The following MYOM1 variants were observed in gnomAD, a reference collection of about 807,000 sequenced individuals.
MYOM1 encodes myomesin-1.
Under a neutral mutation model 205.3 loss-of-function variants are expected in MYOM1, and 164 were observed. That is an observed-to-expected ratio of 0.80 (90% confidence interval 0.70 to 0.91). MYOM1 has a LOEUF of 0.91. Among genes scored for constraint, MYOM1 ranks in the 40% least tolerant of loss-of-function variants. MYOM1 has a pLI of 0.00. For synonymous variants in MYOM1, 772 were observed against 789.4 expected, an observed-to-expected ratio of 0.98 and a Z score of 0.37; for missense variants, 2,011 against 2,127.3, an observed-to-expected ratio of 0.95 and a Z score of 1.08.
chr18:3,146,800 C>A (rs1442940043), intron 13 of MYOM1, among the ~76,000 whole-genome samples: 5 of 151,658 alleles, frequency 3.3e-5, no homozygotes, highest in Non-Finnish European at 2.9e-5. Flanking sequence ...AAAAGGTATC[C>A]AGATTGAAAA....
At chr18:3,206,308 C>T (rs1567968200) in intron 2 of MYOM1, among the ~76,000 whole-genome samples, 1 of 152,064 alleles carries the variant, frequency 6.6e-6, no homozygotes, top group Admixed American at 6.6e-5. Flanking sequence ...TTTACAGCTC[C>T]GTACTGTTCA....
At chr18:3,222,135 C>CACCTT (rs2081335186), upstream of MYOM1, among the ~76,000 whole-genome samples, 4 of 152,198 alleles carry the variant, frequency 2.6e-5, no homozygotes, top group South Asian at 8.3e-4. Context: ...TCAGGATAAT[C>CACCTT]ACATATCTGT....
intron 2 of MYOM1, among the ~76,000 whole-genome samples, chr18:3,203,990 G>T (rs1598768904): frequency 6.6e-6 from 1 of 151,912 alleles, no homozygotes; most frequent in Non-Finnish European, 1.5e-5. Context: ...CATATTAATA[G>T]AATAAAAAGC....
intron 33 of MYOM1, among the ~76,000 whole-genome samples, chr18:3,083,349 T>A (rs1039569336): frequency 2.6e-5 from 4 of 151,966 alleles, no homozygotes; most frequent in African/African-American, 9.7e-5. Context: ...ACAGAAAAAT[T>A]TTTTCCCTAT....
chr18:3,235,453 A>G, the MYOM1 span, among the ~76,000 whole-genome samples: 1 of 152,204 alleles, frequency 6.6e-6, no homozygotes, highest in African/African-American at 2.4e-5. Flanking sequence ...CATACTTAAA[A>G]TGTATGCATG....
chr18:3,091,875 G>A (rs147607655), intron 26 of MYOM1, among the ~76,000 whole-genome samples: 3,357 of 152,034 alleles, frequency 0.022, 116 homozygotes, highest in African/African-American at 0.077. Context: ...GGGACTACAG[G>A]CGTGTGCCAC....
chr18:3,231,509 C>T, the MYOM1 span, among the ~76,000 whole-genome samples: 2 of 148,258 alleles, frequency 1.3e-5, no homozygotes, highest in Non-Finnish European at 3.0e-5. Context: ...GTAATCCAGT[C>T]ATGTGTATCC....
At chr18:3,144,426 A>G (rs1250931522) in intron 13 of MYOM1, among the ~76,000 whole-genome samples, 1 of 152,196 alleles carries the variant, frequency 6.6e-6, no homozygotes, top group Non-Finnish European at 1.5e-5. Flanking sequence ...TGAAACAAAT[A>G]AATGGAATAG....
chr18:3,126,603 G>C (rs759488247), intron 19 of MYOM1, 98 bp downstream of exon 19: 1 of 1,046,360 alleles, frequency 9.6e-7, no homozygotes, highest in East Asian at 2.6e-5. Context: ...GAGAAATGAC[G>C]TGACTCTCTT....
At chr18:3,233,853 A>G in the MYOM1 span, among the ~76,000 whole-genome samples, 62 of 152,248 alleles carry the variant, frequency 4.1e-4, no homozygotes, top group Non-Finnish European at 7.8e-4. Context: ...TCCGGGAAGA[A>G]TAACAACAAA....
At chr18:3,140,505 A>G (rs1444365433) in intron 14 of MYOM1, among the ~76,000 whole-genome samples, 1 of 152,062 alleles carries the variant, frequency 6.6e-6, no homozygotes, top group African/African-American at 2.4e-5. Context: ...GTAAAACAAG[A>G]CTCTCTTGGA....
At chr18:3,139,415 T>G (rs1390982805) in intron 14 of MYOM1, among the ~76,000 whole-genome samples, 2 of 152,142 alleles carry the variant, frequency 1.3e-5, no homozygotes, top group African/African-American at 4.8e-5. Context: ...CTGAGTCCCT[T>G]GCTATAAACC....
At chr18:3,180,496 A>C (rs779921777) in intron 5 of MYOM1, among the ~76,000 whole-genome samples, 43 of 152,332 alleles carry the variant, frequency 2.8e-4, no homozygotes, top group Middle Eastern at 3.4e-3. Context: ...CTTTAGCTTT[A>C]AGTCAGGGAA....
At chr18:3,115,989 G>A (rs2079599274) in intron 21 of MYOM1, among the ~76,000 whole-genome samples, 1 of 152,038 alleles carries the variant, frequency 6.6e-6, no homozygotes, top group Admixed American at 6.6e-5. Context: ...GAAAAAAGAG[G>A]AATGAAAAAA....
At chr18:3,220,850 T>A (rs2081323049), upstream of MYOM1, among the ~76,000 whole-genome samples, 1 of 152,200 alleles carries the variant, frequency 6.6e-6, no homozygotes, top group Admixed American at 6.5e-5. Context: ...CTTGACCTAG[T>A]GACAGTCACA....
the MYOM1 span, among the ~76,000 whole-genome samples, chr18:3,225,778 G>A: frequency 6.6e-6 from 1 of 152,120 alleles, no homozygotes; most frequent in African/African-American, 2.4e-5. Context: ...CTCCCAGCAC[G>A]CCCCTTCTTC....
chr18:3,177,488 T>A (rs183129122), intron 5 of MYOM1, among the ~76,000 whole-genome samples: 2,062 of 91,696 alleles, frequency 0.022, 48 homozygotes, highest in African/African-American at 0.081. Context: ...TATTATTATT[T>A]GAGACAGAGT....
chr18:3,074,064 G>C (rs1350726063), intron 36 of MYOM1, among the ~76,000 whole-genome samples: 3 of 152,206 alleles, frequency 2.0e-5, no homozygotes, highest in African/African-American at 7.2e-5. Context: ...AAAGCTCTAA[G>C]GTTGCTTCCA....
At chr18:3,143,900 C>CAAAAAA (rs55830599) in intron 13 of MYOM1, among the ~76,000 whole-genome samples, 3 of 49,370 alleles carry the variant, frequency 6.1e-5, no homozygotes, top group Non-Finnish European at 7.1e-5. Flanking sequence ...GACCCTGTCT[C>CAAAAAA]AAAAAAAAAA....
Sources: gnomAD v4.1 joint callset for allele counts (sites outside exome capture counted in the v4.1 genomes callset) on GRCh38, gnomAD v4.1.1 for gene constraint, MANE v1.5 for transcripts, NCBI Gene and HGNC (gene_info 2026-07-23, HGNC 2026-07-21) for gene names.